The following TLCD4 variants were observed in gnomAD, a reference collection of about 807,000 sequenced individuals.
TLCD4 encodes the protein TLC domain containing 4.
A neutral mutation model predicts 24.2 loss-of-function variants in TLCD4; 7 were observed. The ratio of observed to expected loss-of-function variants is 0.29; its 90% confidence interval spans 0.16 to 0.54. The LOEUF (loss-of-function observed/expected upper bound fraction) is 0.54, where lower values mean the gene tolerates loss of function less well. TLCD4 is among the 20% of genes least tolerant of loss of function. The pLI, the probability that TLCD4 is intolerant of heterozygous loss-of-function variation, is 0.95. For missense variants in TLCD4, 259 were observed against 313.9 expected, an observed-to-expected ratio of 0.82 and a Z score of 1.32; for synonymous variants, 103 against 106.4, an observed-to-expected ratio of 0.97 and a Z score of 0.20.
chr1:95,195,955 T>A lies in TLCD4; in HGVS notation c.*4087T>A, dbSNP rs1420836098. 1 of 152,194 alleles carries A rather than the reference T, an allele frequency of 6.6e-6. No individual in the cohort carries two copies. Among genetic ancestry groups the A allele is most frequent in the Non-Finnish European group, 1.5e-5 (1 of 68,024 alleles). The allele number at this position is 152,194 out of a possible 1,614,324, so 9.4% of individuals were successfully genotyped here. On this transcript the variant is annotated 3_prime_UTR_variant, in exon 7 of 7. Coordinates refer to ENST00000370203, the MANE Select transcript of TLCD4 (RefSeq NM_152487.3). ...TGTCAACTTTTGAGACCTCCCCATGTATCTATAAGCTTCCCAGTCTCTTAT... is the reference window on the plus strand; with the variant it reads ...TGTCAACTTTTGAGACCTCCCCATGAATCTATAAGCTTCCCAGTCTCTTAT...
Position 95,143,960 on chromosome 1 carries a change from A to C in TLCD4, c.59A>C (p.Gln20Pro). Residue 20 changes from glutamine to proline, a missense_variant, in exon 2 of 7, where the codon CAG (glutamine) becomes CCG (proline). Physicochemically the swap from Gln to Pro is moderately conservative, Grantham distance 76 (BLOSUM62 -1). Coordinates refer to ENST00000370203, the MANE Select transcript of TLCD4 (RefSeq NM_152487.3). ...SVTCISFFTF[Q>P]LLFYFVSYWF... is the part of the protein sequence containing the mutation. The stretch of plus-strand genomic sequence containing the variant: ...ACCTGTATCAGCTTTTTCACCTTTC[A>C]GCTTCTTTTCTACTTTGTAAGTTAC... The C allele has an allele frequency of 6.4e-7, 1 of 1,573,632 alleles. No homozygotes were observed. The highest frequency in any genetic ancestry group is 2.4e-5 in the East Asian group (1 of 42,486).
intron 1 of TLCD4, among the ~76,000 whole-genome samples, chr1:95,118,469 ATTTAC>A (rs778346401): frequency 3.3e-5 from 5 of 152,218 alleles, no homozygotes; most frequent in African/African-American, 7.2e-5. Context: ...AAATTATGAA[ATTTAC>A]TTTAAAGACT....
At chr1:95,154,533 G>A (rs1450563356) in intron 5 of TLCD4, among the ~76,000 whole-genome samples, 1 of 151,980 alleles carries the variant, frequency 6.6e-6, no homozygotes, top group African/African-American at 2.4e-5. Context: ...TAAATAACTG[G>A]GTTGCCAGTG....
intron 6 of TLCD4, among the ~76,000 whole-genome samples, chr1:95,174,792 T>C (rs1014868929): frequency 6.6e-6 from 1 of 152,178 alleles, no homozygotes; most frequent in Non-Finnish European, 1.5e-5. Context: ...ATTATTATTT[T>C]TGAGATGGAG....
chr1:95,180,110 T>G (rs1678581352), intron 6 of TLCD4, among the ~76,000 whole-genome samples: 1 of 152,180 alleles, frequency 6.6e-6, no homozygotes, highest in African/African-American at 2.4e-5. Context: ...GTAGTAGCCA[T>G]TTGATTGCTT....
intron 1 of TLCD4, among the ~76,000 whole-genome samples, chr1:95,129,257 A>G (rs2100912520): frequency 6.6e-6 from 1 of 152,294 alleles, no homozygotes; most frequent in Middle Eastern, 3.4e-3. Flanking sequence ...GTTTCTCTTT[A>G]ACTTGAACTC....
intron 4 of TLCD4, 65 bp downstream of exon 4, chr1:95,150,331 A>G (rs987896413): frequency 1.3e-6 from 2 of 1,581,130 alleles, no homozygotes; most frequent in Non-Finnish European, 1.7e-6. Flanking sequence ...TACAAAGAAT[A>G]TATAGTCTAT....
intron 1 of TLCD4, among the ~76,000 whole-genome samples, chr1:95,132,035 C>T (rs1477332095): frequency 1.3e-5 from 2 of 152,168 alleles, no homozygotes; most frequent in Non-Finnish European, 2.9e-5. Context: ...TACCTGCTTC[C>T]CTCTTTGACC....
chr1:95,148,606 C>T (rs575547152), intron 2 of TLCD4, 96 bp from the exon 3 acceptor site: 4 of 1,510,424 alleles, frequency 2.6e-6, no homozygotes, highest in Non-Finnish European at 3.6e-6. Context: ...ATAAATGCTT[C>T]CAGGTATAAC....
intron 1 of TLCD4, among the ~76,000 whole-genome samples, chr1:95,135,880 GGT>G (rs1677028231): frequency 1.2e-4 from 18 of 151,876 alleles, no homozygotes; most frequent in Admixed American, 1.2e-3. Flanking sequence ...CACCACACCT[GGT>G]TAATTTTTGT....
the TLCD4 span, among the ~76,000 whole-genome samples, chr1:95,093,982 C>T: frequency 6.6e-6 from 1 of 152,162 alleles, no homozygotes; most frequent in African/African-American, 2.4e-5. Context: ...CAGACCTTTA[C>T]TTCATTGTGT....
chr1:95,140,351 A>T (rs1176257392), intron 1 of TLCD4, among the ~76,000 whole-genome samples: 1 of 152,108 alleles, frequency 6.6e-6, no homozygotes, highest in Admixed American at 6.5e-5. Context: ...TCTCTAGGTG[A>T]TAGGAATTTT....
chr1:95,119,940 G>C (rs1276325509), intron 1 of TLCD4, among the ~76,000 whole-genome samples: 2 of 152,168 alleles, frequency 1.3e-5, no homozygotes, highest in South Asian at 4.1e-4. Flanking sequence ...GATATGAAAA[G>C]CTAGCTTTTC....
intron 6 of TLCD4, among the ~76,000 whole-genome samples, chr1:95,187,964 G>T (rs1678883989): frequency 6.6e-6 from 1 of 152,012 alleles, no homozygotes; most frequent in African/African-American, 2.4e-5. Context: ...GAGAACTTTG[G>T]TCTCTCCTTT....
intron 5 of TLCD4, among the ~76,000 whole-genome samples, chr1:95,152,707 C>T (rs909403718): frequency 6.6e-6 from 1 of 152,072 alleles, no homozygotes; most frequent in Non-Finnish European, 1.5e-5. Context: ...CTTAATGAAT[C>T]CTCTTCTGTC....
At chr1:95,102,809 C>A in the TLCD4 span, among the ~76,000 whole-genome samples, 1 of 151,894 alleles carries the variant, frequency 6.6e-6, no homozygotes, top group Non-Finnish European at 1.5e-5. Flanking sequence ...TTCTCAGGTT[C>A]AAGGAATTAT....
intron 5 of TLCD4, chr1:95,164,964 A>G (rs1198649670): frequency 1.3e-5 from 2 of 152,038 alleles, no homozygotes; most frequent in African/African-American, 4.8e-5. Flanking sequence ...GTAGCTTCAT[A>G]TCCTCAAGGA....
At chr1:95,127,455 C>T (rs964084230) in intron 1 of TLCD4, among the ~76,000 whole-genome samples, 1 of 152,080 alleles carries the variant, frequency 6.6e-6, no homozygotes, top group African/African-American at 2.4e-5. Context: ...ACTGAGTGAT[C>T]CCTTTAAAAA....
intron 6 of TLCD4, among the ~76,000 whole-genome samples, chr1:95,189,826 C>T (rs1026226424): frequency 1.3e-5 from 2 of 152,196 alleles, no homozygotes; most frequent in Non-Finnish European, 2.9e-5. Flanking sequence ...GGTGTAAACA[C>T]GTATGCAGCT....
Sources: allele counts gnomAD v4.1 joint callset (sites outside exome capture counted in the v4.1 genomes callset), GRCh38; gene constraint gnomAD v4.1.1; transcripts MANE v1.5; gene names NCBI Gene and HGNC (gene_info 2026-07-23, HGNC 2026-07-21).